PDK1: variants seen among roughly 807,000 people sequenced by gnomAD.
The protein encoded by PDK1 is [Pyruvate dehydrogenase (acetyl-transferring)] kinase isozyme 1, mitochondrial.
Under a neutral mutation model 54.2 loss-of-function variants are expected in PDK1, and 39 were observed. That is an observed-to-expected ratio of 0.72 (90% CI 0.56 to 0.94). The LOEUF is 0.94. Among genes scored for constraint, PDK1 ranks in the 40% least tolerant of loss-of-function variants. The pLI, the probability that PDK1 is intolerant of heterozygous loss-of-function variation, is 0.00. For missense variants in PDK1, 552 were observed against 566.0 expected (o/e 0.98, Z 0.25); for synonymous variants, 221 against 207.1 (o/e 1.07, Z -0.58).
chr2:172,715,618 C>A, the PDK1 span, among the ~76,000 whole-genome samples: 1 of 152,128 alleles, frequency 6.6e-6, no homozygotes, highest in African/African-American at 2.4e-5. Flanking sequence ...GGGAATGCAA[C>A]CTCACAGAAT....
chr2:172,668,854 CAT>C, the PDK1 span, among the ~76,000 whole-genome samples: 6 of 141,830 alleles, frequency 4.2e-5, no homozygotes, highest in African/African-American at 7.8e-5. Flanking sequence ...CACACACACA[CAT>C]ATATATGTAT....
At chr2:172,641,501 G>A in the PDK1 span, among the ~76,000 whole-genome samples, 1 of 150,216 alleles carries the variant, frequency 6.7e-6, no homozygotes, top group East Asian at 2.0e-4. Context: ...GAGTGCAGTG[G>A]CACAATCTCG....
the PDK1 span, among the ~76,000 whole-genome samples, chr2:172,690,561 C>T: frequency 0.99 from 148,220 of 149,810 alleles, 73,377 homozygotes; most frequent in Middle Eastern, 1. Flanking sequence ...TGTTTGTTTA[C>T]TGCGGCACTG....
chr2:172,664,311 C>CAA, the PDK1 span, among the ~76,000 whole-genome samples: 7,213 of 43,850 alleles, frequency 0.16, 1,898 homozygotes, highest in South Asian at 0.35. Context: ...AACTCTGCCT[C>CAA]AAAAAAAAAA....
At chr2:172,613,229 C>T (rs1691517479), downstream of PDK1, among the ~76,000 whole-genome samples, 1 of 152,190 alleles carries the variant, frequency 6.6e-6, no homozygotes, top group Non-Finnish European at 1.5e-5. Context: ...TGGCCCTGCT[C>T]AGTCATTGGC....
intron 9 of PDK1, among the ~76,000 whole-genome samples, chr2:172,590,282 A>G (rs189096449): frequency 2.0e-5 from 3 of 152,348 alleles, no homozygotes; most frequent in African/African-American, 4.8e-5. Flanking sequence ...TTGAGATACC[A>G]TATCCGGAAT....
the PDK1 span, among the ~76,000 whole-genome samples, chr2:172,677,796 T>C: frequency 6.6e-6 from 1 of 152,266 alleles, no homozygotes; most frequent in Non-Finnish European, 1.5e-5. Context: ...CAGTGAATAA[T>C]ACTTAGATGG....
chr2:172,679,586 T>C, the PDK1 span, among the ~76,000 whole-genome samples: 2 of 152,234 alleles, frequency 1.3e-5, no homozygotes, highest in Admixed American at 6.5e-5. Context: ...TAATGTACTA[T>C]AGTTTTGAGG....
Position 172,606,064 on chromosome 2 carries a change from G to A in PDK1, c.*10095G>A, listed in dbSNP as rs551132481. 2.0e-5 allele frequency: 3 copies of A among 152,264 alleles called. No individual in the cohort carries two copies. Among genetic ancestry groups the A allele is most frequent in the Non-Finnish European group, 4.4e-5 (3 of 68,044 alleles). 9.4% of individuals were successfully genotyped at this position (152,264 alleles called of 1,614,324 possible). A position where few individuals can be genotyped will look rare whatever the true frequency, so the allele number is the denominator to read the frequency against. The stretch of plus-strand genomic sequence containing the variant: ...TAATTTCATAGATACCTTCAGTGGT[G>A]GCATCACTGGGTCCTCTCTTGGATA... On this transcript the variant is annotated 3_prime_UTR_variant, in exon 11 of 11. Transcript: ENST00000282077.
chr2:172,670,993 A>C, the PDK1 span, among the ~76,000 whole-genome samples: 1 of 152,012 alleles, frequency 6.6e-6, no homozygotes, highest in Non-Finnish European at 1.5e-5. Flanking sequence ...TGATCCATAG[A>C]GATGTTTTGA....
the PDK1 span, chr2:172,723,828 G>A: frequency 1.3e-5 from 2 of 152,148 alleles, no homozygotes; most frequent in South Asian, 2.1e-4. Flanking sequence ...TACTCTCAAA[G>A]GATGAGCATT....
At chr2:172,713,180 C>T in the PDK1 span, among the ~76,000 whole-genome samples, 3,972 of 152,310 alleles carry the variant, frequency 0.026, 176 homozygotes, top group African/African-American at 0.089. Flanking sequence ...TGGGTAGCTC[C>T]GCTCTGCAGG....
the PDK1 span, among the ~76,000 whole-genome samples, chr2:172,624,304 C>A: frequency 6.6e-6 from 1 of 152,100 alleles, no homozygotes; most frequent in Admixed American, 6.5e-5. Context: ...CAGTCTGTGG[C>A]CTGTAAGGAA....
At chr2:172,689,453 C>T in the PDK1 span, among the ~76,000 whole-genome samples, 6 of 152,144 alleles carry the variant, frequency 3.9e-5, no homozygotes, top group Non-Finnish European at 8.8e-5. Context: ...TAATGCCATC[C>T]CTATCAAGCT....
the PDK1 span, among the ~76,000 whole-genome samples, chr2:172,699,432 A>G: frequency 6.4e-4 from 96 of 150,722 alleles, 2 homozygotes; most frequent in East Asian, 7.4e-3. Flanking sequence ...TGAATCGTTC[A>G]TATTTTTTTT....
rs530694145 is a variant in PDK1 at position 172,590,678 on chromosome 2, C to T, written c.1057-2257C>T. ...GTGAAGAGTGAAAGAACAAAGTTTC[C>T]GCAGTGTGGAAGGGGACCCGAGCGG... On this transcript the variant is annotated intron_variant, in intron 9 of 10. Coordinates refer to ENST00000282077, the MANE Select transcript of PDK1 (RefSeq NM_002610.5). Among the ~76,000 whole-genome samples the T allele has an allele frequency of 1.6e-4, 24 of 152,202 alleles. No individual in the cohort carries two copies. In the East Asian group the frequency reaches 1.9e-3, roughly 12 times the overall value.
the PDK1 span, among the ~76,000 whole-genome samples, chr2:172,682,362 G>A: frequency 6.6e-6 from 1 of 152,218 alleles, no homozygotes; most frequent in African/African-American, 2.4e-5. Context: ...GAAATGGAGA[G>A]CCCTGGAAGT....
At chr2:172,640,027 A>T in the PDK1 span, among the ~76,000 whole-genome samples, 28 of 152,242 alleles carry the variant, frequency 1.8e-4, no homozygotes, top group African/African-American at 5.3e-4. Flanking sequence ...GGAAGGTGAA[A>T]CAAATGTGAG....
chr2:172,556,621 TGTGCAGGTGCGCGCTAGG>T (rs1274115511), intron 1 of PDK1: 1 of 310,568 alleles, frequency 3.2e-6, no homozygotes, highest in Non-Finnish European at 5.9e-6. Flanking sequence ...CCGGCGCACG[TGTGCAGGTGCGCGCTAGG>T]CCAGGCCCCT....
Sources: gnomAD v4.1 joint callset for allele counts (sites outside exome capture counted in the v4.1 genomes callset) on GRCh38, gnomAD v4.1.1 for gene constraint, MANE v1.5 for transcripts, NCBI Gene and HGNC (gene_info 2026-07-23, HGNC 2026-07-21) for gene names.